ITPR2: variants seen among roughly 807,000 people sequenced by gnomAD.
The protein encoded by ITPR2 is inositol 1,4,5-trisphosphate receptor type 2, also known as inositol 1,4,5-trisphosphate-gated calcium channel ITPR2.
ITPR2 carries 207 observed loss-of-function variants against 317.1 expected under a neutral mutation model. That is an observed-to-expected ratio of 0.65 (90% CI 0.58 to 0.73). The LOEUF (loss-of-function observed/expected upper bound fraction) is 0.73. Ranked by LOEUF, ITPR2 falls within the 30% of genes least tolerant of loss-of-function variation. The pLI is 0.00. For missense variants in ITPR2, 2,613 were observed against 3,284.0 expected (o/e 0.80, Z 4.99); for synonymous variants, 1,156 against 1,149.1 (o/e 1.01, Z -0.12).
chr12:26,494,430 T>C, intron 38 of ITPR2, 90 bp from the exon 39 acceptor site: 1 of 820,992 alleles, frequency 1.2e-6, no homozygotes, highest in Non-Finnish European at 1.8e-6. Flanking sequence ...ATTATTTTAA[T>C]AAAAATATTA....
rs566961477 is a variant in ITPR2, at chr12:26,701,610, T to C, written c.952-5960A>G. Among the ~76,000 whole-genome samples, 27 of 152,316 alleles carry C rather than the reference T, an allele frequency of 1.8e-4. No homozygotes were observed. In the South Asian group the frequency reaches 5.0e-3, roughly 28 times the overall value. ...TGCTGTATTTATGTATACATATACA[T>C]GCATACAAACCAGGCCCTTTTCACA... On this transcript the variant is annotated intron_variant, in intron 9 of 56. Transcript: ENST00000381340.
intron 32 of ITPR2, among the ~76,000 whole-genome samples, chr12:26,588,373 T>A (rs1945591601): frequency 6.6e-6 from 1 of 152,154 alleles, no homozygotes; most frequent in Admixed American, 6.5e-5. Flanking sequence ...GGAATTGACA[T>A]CCTGGGGTCC....
chr12:26,578,765 G>A lies in ITPR2; in HGVS notation c.4578C>T (p.Asn1526=), dbSNP rs763094967. The A allele has an allele frequency of 6.2e-7, 1 of 1,611,568 alleles. No individual in the cohort carries two copies. Among genetic ancestry groups the A allele is most frequent in the Non-Finnish European group, 8.5e-7 (1 of 1,178,112 alleles). The part of the protein sequence containing the change: ...AFRIYNCTWP[N]PAQKASVESC... ...ATTCCACTGAGGCTTTCTGCGCTGG[G>A]TTTGGCCAGGTGCAATTGTAAATTC... The change falls in exon 34 of 57, where the codon AAC becomes AAT. Residue 1526 remains asparagine (N), a synonymous_variant. Coordinates refer to ENST00000381340, the MANE Select transcript of ITPR2 (RefSeq NM_002223.4).
intron 13 of ITPR2, among the ~76,000 whole-genome samples, chr12:26,677,115 G>A (rs1182337046): frequency 6.6e-6 from 1 of 152,146 alleles, no homozygotes; most frequent in Admixed American, 6.5e-5. Flanking sequence ...ATGAAAATAT[G>A]ACCTAAAGCT....
intron 34 of ITPR2, among the ~76,000 whole-genome samples, 193 bp from the exon 35 acceptor site, chr12:26,562,145 TC>T (rs1944836488): frequency 2.0e-5 from 3 of 152,248 alleles, no homozygotes; most frequent in Non-Finnish European, 2.9e-5. Flanking sequence ...TAAAGTGGGT[TC>T]ATGAAACATT....
At position 26,674,453 on chromosome 12, in the gene ITPR2, C is replaced by T. The variant is rs1362102634; in HGVS notation, c.1409+7421G>A. ...AGAAACAAGCAATGGGAAAAGGATT[C>T]CCTATTTAATAAATGGTGCTGGGAA... is the stretch of plus-strand genomic sequence containing the variant. On this transcript the variant is annotated intron_variant, in intron 13 of 56. Transcript: ENST00000381340. 3.3e-5 allele frequency among the ~76,000 whole-genome samples: 5 copies of T among 152,270 alleles called. No individual in the cohort carries two copies. The South Asian group carries it at 1.0e-3, about 32-fold the overall frequency.
At chr12:26,615,879 G>C (rs1946362250) in intron 26 of ITPR2, among the ~76,000 whole-genome samples, 1 of 151,956 alleles carries the variant, frequency 6.6e-6, no homozygotes, top group African/African-American at 2.4e-5. Context: ...ATTAAATATA[G>C]TATTTAAACA....
In ITPR2 at chr12:26,790,169, T is replaced by C. The variant is rs1365162363; in HGVS notation, c.151A>G (p.Lys51Glu). Residue 51 changes from lysine to glutamate, a missense_variant, in exon 2 of 57, where the codon AAG (lysine) becomes GAG (glutamate). Physicochemically the swap from Lys to Glu is moderately conservative, Grantham distance 56 (BLOSUM62 1). Transcript: ENST00000381340. ...PEAGDLANPP[K>E]KFRDCLFKVC... The stretch of plus-strand genomic sequence containing the variant: ...ATGTATTTCTTACCTCTGAACTTCT[T>C]GGGAGGGTTGGCAAGGTCCCCGGCC... 1 of 1,612,552 alleles carries C rather than the reference T, an allele frequency of 6.2e-7. No homozygotes were observed. Among genetic ancestry groups the C allele is most frequent in the Non-Finnish European group, 8.5e-7 (1 of 1,178,550 alleles).
rs1213964374 is a variant in ITPR2 at position 26,831,606 on chromosome 12, A to G, written c.92+1084T>C. ...ACTGCAGCGTGCAATTAAACTGCAC[A>G]CTGCTATTCCCAATCAGAACAGAGA... On this transcript the variant is annotated intron_variant, in intron 1 of 56. Transcript: ENST00000381340. The surrounding 1 kb of genome is among the most constrained non-coding windows in gnomAD (Gnocchi z 4.9). 6.6e-6 allele frequency among the ~76,000 whole-genome samples: 1 copy of G among 151,728 alleles called. No individual in the cohort carries two copies. Among genetic ancestry groups the G allele is most frequent in the Non-Finnish European group, 1.5e-5 (1 of 67,926 alleles).
At chr12:26,816,362 T>C (rs1950852421) in intron 1 of ITPR2, among the ~76,000 whole-genome samples, 1 of 152,198 alleles carries the variant, frequency 6.6e-6, no homozygotes, top group South Asian at 2.1e-4. Context: ...AACTGGACAA[T>C]AATCCTGCTT....
chr12:26,670,040 G>GC (rs1290619935), intron 13 of ITPR2, among the ~76,000 whole-genome samples: 7 of 152,242 alleles, frequency 4.6e-5, no homozygotes, highest in Non-Finnish European at 4.4e-5. Flanking sequence ...AAACAAAGCA[G>GC]CCTGAAGCTC....
chr12:26,605,122 TAAAA>T (rs1365014811), intron 26 of ITPR2, among the ~76,000 whole-genome samples: 5 of 81,956 alleles, frequency 6.1e-5, no homozygotes, highest in African/African-American at 2.3e-4. Flanking sequence ...AAATAAAAAA[TAAAA>T]ATATATATAT....
intron 37 of ITPR2, among the ~76,000 whole-genome samples, chr12:26,527,846 A>G (rs549956696): frequency 2.8e-4 from 43 of 152,350 alleles, no homozygotes; most frequent in African/African-American, 9.9e-4. Flanking sequence ...AGAAAGGTCA[A>G]TAGGGAAGTG....
chr12:26,727,142 T>A (rs1419083011), intron 2 of ITPR2, among the ~76,000 whole-genome samples: 2 of 152,226 alleles, frequency 1.3e-5, no homozygotes, highest in Non-Finnish European at 2.9e-5. Flanking sequence ...GAAAATGTTT[T>A]CCTTGGCAGT....
At chr12:26,344,278 A>C (rs191394794) in intron 55 of ITPR2, among the ~76,000 whole-genome samples, 15 of 152,316 alleles carry the variant, frequency 9.8e-5, no homozygotes, top group African/African-American at 3.6e-4. Flanking sequence ...CCAAGAAAGC[A>C]GCATTCTGGG....
At chr12:26,391,022 C>T (rs1162699873) in intron 54 of ITPR2, among the ~76,000 whole-genome samples, 3 of 152,138 alleles carry the variant, frequency 2.0e-5, no homozygotes, top group Admixed American at 2.0e-4. Context: ...GCAAAATGAA[C>T]TCTGATGAGG....
At position 26,715,291 on chromosome 12, in the gene ITPR2, T is replaced by C. The variant is rs1565713061; in HGVS notation, c.855+8A>G. 6.2e-7 allele frequency: 1 copy of C among 1,605,616 alleles called. No individual in the cohort carries two copies. ...ATATTTATTAAGTGCCAAAAAACAT[T>C]TACATACCTCTATTTCCCAGAGTGC... is the stretch of plus-strand genomic sequence containing the variant. On this transcript the variant is annotated splice_region_variant and intron_variant, in intron 8 of 56. Coordinates refer to ENST00000381340, the MANE Select transcript of ITPR2 (RefSeq NM_002223.4).
At position 26,742,379 on chromosome 12, in the gene ITPR2, T is replaced by C. The variant is rs538583540; in HGVS notation, c.164-16614A>G. On this transcript the variant is annotated intron_variant, in intron 2 of 56. Coordinates refer to ENST00000381340, the MANE Select transcript of ITPR2 (RefSeq NM_002223.4). ...ACAACAGAGTATGACGGAAAACCTG[T>C]CCATGTCCACACAAAACCTAATGTT... 1.0e-3 allele frequency among the ~76,000 whole-genome samples: 159 copies of C among 152,318 alleles called. 1 individual carries two copies. Among genetic ancestry groups the C allele is most frequent in the Non-Finnish European group, 1.8e-3 (121 of 68,014 alleles).
intron 37 of ITPR2, among the ~76,000 whole-genome samples, chr12:26,538,739 G>A (rs1259401073): frequency 6.6e-6 from 1 of 151,964 alleles, no homozygotes; most frequent in Non-Finnish European, 1.5e-5. Flanking sequence ...ACCATGCCAG[G>A]CTAATTTTTG....
Sources: gnomAD v4.1 joint callset for allele counts (sites outside exome capture counted in the v4.1 genomes callset) on GRCh38, gnomAD v4.1.1 for gene constraint, Gnocchi (gnomAD v3.1) non-coding constraint, MANE v1.5 for transcripts, NCBI Gene and HGNC (gene_info 2026-07-23, HGNC 2026-07-21) for gene names.